ADGRB3: variants seen among roughly 807,000 people sequenced by gnomAD.
The protein encoded by ADGRB3 is adhesion G protein-coupled receptor B3.
Under a neutral mutation model 193.4 loss-of-function variants are expected in ADGRB3, and 37 were observed. The ratio of observed to expected loss-of-function variants is 0.19; its 90% CI spans 0.15 to 0.25. ADGRB3 has a LOEUF of 0.25. Among genes scored for constraint, ADGRB3 ranks in the 10% least tolerant of loss-of-function variants. The pLI is 1.00. For missense variants in ADGRB3, 1,637 were observed against 1,852.9 expected, an observed-to-expected ratio of 0.88 and a Z score of 2.14; for synonymous variants, 690 against 644.2, an observed-to-expected ratio of 1.07 and a Z score of -1.08.
intron 3 of ADGRB3, among the ~76,000 whole-genome samples, chr6:68,643,978 A>T (rs1768144535): frequency 6.6e-6 from 1 of 151,934 alleles, no homozygotes; most frequent in Non-Finnish European, 1.5e-5. Context: ...TGAGTTCTTC[A>T]AGTAAAATAA....
chr6:69,091,214 T>C (rs1425431152), intron 17 of ADGRB3, among the ~76,000 whole-genome samples: 1 of 152,168 alleles, frequency 6.6e-6, no homozygotes, highest in Non-Finnish European at 1.5e-5. Flanking sequence ...GTTCAGCCAT[T>C]GTGGAAGACA....
chr6:69,261,499 C>T (rs1305026301), intron 20 of ADGRB3, among the ~76,000 whole-genome samples: 2 of 151,962 alleles, frequency 1.3e-5, no homozygotes, highest in African/African-American at 4.8e-5. Context: ...TATTTAATTT[C>T]ATCTATTTGA....
At chr6:69,294,644 A>C (rs1767769174) in intron 20 of ADGRB3, among the ~76,000 whole-genome samples, 1 of 152,158 alleles carries the variant, frequency 6.6e-6, no homozygotes, top group Admixed American at 6.5e-5. Flanking sequence ...CACATATGGT[A>C]CTTATATAAT....
intron 20 of ADGRB3, among the ~76,000 whole-genome samples, chr6:69,258,339 A>G (rs1377585594): frequency 6.6e-6 from 1 of 152,238 alleles, no homozygotes; most frequent in Non-Finnish European, 1.5e-5. Flanking sequence ...AAAGGACACA[A>G]ATAATGTGTA....
At chr6:69,031,038 T>TTTTTTTTTTC (rs1562128816) in intron 13 of ADGRB3, among the ~76,000 whole-genome samples, 1 of 5,668 alleles carries the variant, frequency 1.8e-4, no homozygotes, top group Non-Finnish European at 3.9e-4. Flanking sequence ...TCTTCTCTTC[T>TTTTTTTTTTC]CTCTTCTCTT....
chr6:69,362,361 G>C (rs1582657868), intron 29 of ADGRB3, among the ~76,000 whole-genome samples: 2 of 151,842 alleles, frequency 1.3e-5, no homozygotes, highest in Non-Finnish European at 2.9e-5. Context: ...CTACAGAAAG[G>C]CACTATAATT....
intron 11 of ADGRB3, among the ~76,000 whole-genome samples, chr6:69,007,140 A>G (rs568901682): frequency 6.6e-6 from 1 of 152,214 alleles, no homozygotes; most frequent in South Asian, 2.1e-4. Flanking sequence ...ATTCTCAGCT[A>G]CCTGGGCTAA....
intron 3 of ADGRB3, among the ~76,000 whole-genome samples, chr6:68,740,758 A>G (rs1023009344): frequency 2.0e-5 from 3 of 152,216 alleles, no homozygotes; most frequent in Non-Finnish European, 4.4e-5. Flanking sequence ...GTGCAAAACT[A>G]CCTTTGGTGT....
intron 3 of ADGRB3, among the ~76,000 whole-genome samples, chr6:68,713,375 G>C (rs1317633435): frequency 6.6e-6 from 1 of 151,690 alleles, no homozygotes; most frequent in Non-Finnish European, 1.5e-5. Context: ...ATTTCCTGGA[G>C]TTGATGCTTC....
At chr6:68,747,531 G>T (rs1766108518) in intron 3 of ADGRB3, among the ~76,000 whole-genome samples, 2 of 152,156 alleles carry the variant, frequency 1.3e-5, no homozygotes, top group South Asian at 2.1e-4. Flanking sequence ...CAATCTCCTA[G>T]ACTTGACTCA....
chr6:69,062,947 A>T lies in ADGRB3; in HGVS notation c.2347A>T (p.Ile783Phe). ...ACTCTGTTGCAGAAATTATACTGTC[A>T]TTAATTCCAAAATCATCGTGGTCAC... ...ILPTLRNYTV[I>F]NSKIIVVTIR... The change falls in exon 16 of 32, where the codon ATT (isoleucine) becomes TTT (phenylalanine). Residue 783 changes from isoleucine (I) to phenylalanine (F), a missense_variant. Transcript: ENST00000370598. 1 of 1,610,464 alleles carries T rather than the reference A, an allele frequency of 6.2e-7. No individual in the cohort carries two copies. Among genetic ancestry groups the T allele is most frequent in the South Asian group, 1.1e-5 (1 of 90,932 alleles).
chr6:69,100,729 A>T (rs985892995), intron 17 of ADGRB3, among the ~76,000 whole-genome samples: 1 of 150,728 alleles, frequency 6.6e-6, no homozygotes, highest in African/African-American at 2.4e-5. Context: ...TTACTGTTAA[A>T]TTTTTACCCT....
At chr6:69,154,520 CT>C (rs1256452233) in intron 17 of ADGRB3, among the ~76,000 whole-genome samples, 1 of 152,188 alleles carries the variant, frequency 6.6e-6, no homozygotes, top group African/African-American at 2.4e-5. Flanking sequence ...GCACCTTCCT[CT>C]TTTTTGTTCC....
Position 68,738,506 on chromosome 6 carries a change from T to C in ADGRB3, c.757+99074T>C, listed in dbSNP as rs751448883. 6.6e-5 allele frequency among the ~76,000 whole-genome samples: 10 copies of C among 152,150 alleles called. No homozygotes were observed. The East Asian group carries it at 1.2e-3, about 18-fold the overall frequency. ...TATAACCTAGGGGTGAAAATGACAGTGGACTGAACAAAGGTGATAATTTTG... is the reference window on the plus strand; with the variant it reads ...TATAACCTAGGGGTGAAAATGACAGCGGACTGAACAAAGGTGATAATTTTG... On this transcript the variant is annotated intron_variant, in intron 3 of 31. Coordinates refer to ENST00000370598, the MANE Select transcript of ADGRB3 (RefSeq NM_001704.3).
chr6:68,666,014 G>A (rs1440676274), intron 3 of ADGRB3, among the ~76,000 whole-genome samples: 1 of 151,906 alleles, frequency 6.6e-6, no homozygotes, highest in East Asian at 1.9e-4. Context: ...CTATTTTGGT[G>A]TGCATTCCAT....
chr6:69,063,111 C>T (rs1771798651), intron 16 of ADGRB3, 75 bp downstream of exon 16: 1 of 1,092,550 alleles, frequency 9.2e-7, no homozygotes, highest in Admixed American at 1.9e-5. Flanking sequence ...ACTGATAACA[C>T]CAGAATACAT....
intron 3 of ADGRB3, among the ~76,000 whole-genome samples, chr6:68,680,695 T>G (rs1418527614): frequency 2.0e-5 from 3 of 152,194 alleles, no homozygotes; most frequent in Non-Finnish European, 4.4e-5. Flanking sequence ...TTATAGTTAG[T>G]TCATTCTTCC....
At chr6:69,124,965 A>G (rs1213106528) in intron 17 of ADGRB3, among the ~76,000 whole-genome samples, 1 of 152,010 alleles carries the variant, frequency 6.6e-6, no homozygotes, top group Admixed American at 6.6e-5. Context: ...TTCTTAACAT[A>G]TAGATGGCTG....
At chr6:68,921,510 T>A (rs1236317713) in intron 3 of ADGRB3, among the ~76,000 whole-genome samples, 1 of 152,164 alleles carries the variant, frequency 6.6e-6, no homozygotes, top group Admixed American at 6.5e-5. Flanking sequence ...GATTAAACAC[T>A]AAACACTTCG....
Sources: allele counts gnomAD v4.1 joint callset (sites outside exome capture counted in the v4.1 genomes callset), GRCh38; gene constraint gnomAD v4.1.1; transcripts MANE v1.5; gene names NCBI Gene and HGNC (gene_info 2026-07-23, HGNC 2026-07-21).